The following CLOCK variants were observed in gnomAD, a reference collection of about 807,000 sequenced individuals.
The protein encoded by CLOCK is clock circadian regulator.
A neutral mutation model predicts 118.4 loss-of-function variants in CLOCK; 43 were observed. The observed-to-expected ratio is 0.36, with a 90% CI of 0.28 to 0.47. CLOCK has a LOEUF of 0.47. Ranked by LOEUF, CLOCK falls within the 20% of genes least tolerant of loss-of-function variation. The pLI is 1.00. For missense variants in CLOCK, 846 were observed against 999.9 expected, an observed-to-expected ratio of 0.85 and a Z score of 2.08; for synonymous variants, 326 against 339.2, an observed-to-expected ratio of 0.96 and a Z score of 0.43.
intron 2 of CLOCK, among the ~76,000 whole-genome samples, chr4:55,509,556 TTATCTC>T (rs1482301237): frequency 3.3e-5 from 5 of 152,196 alleles, no homozygotes; most frequent in African/African-American, 7.2e-5. Context: ...AGCTGACACT[TTATCTC>T]TATAGCTAAG....
intron 1 of CLOCK, among the ~76,000 whole-genome samples, chr4:55,534,230 CT>C (rs966176043): frequency 1.3e-5 from 2 of 152,180 alleles, no homozygotes; most frequent in African/African-American, 4.8e-5. Context: ...CTACTCTCAA[CT>C]ATCACCAAGC....
chr4:55,478,004 G>A (rs73236144), intron 6 of CLOCK, among the ~76,000 whole-genome samples: 9 of 152,096 alleles, frequency 5.9e-5, no homozygotes, highest in Non-Finnish European at 1.2e-4. Flanking sequence ...CACTTTCAAC[G>A]AGTGGTGGAG....
chr4:55,509,909 T>C lies in CLOCK; in HGVS notation c.-136+3A>G, dbSNP rs1423611149. ...TAAGGGAAAAGAAACAAAGATAGCA[T>C]ACCTTTGAGCTCAAAATGATGATTG... On this transcript the variant is annotated splice_donor_region_variant and intron_variant, in intron 2 of 22. Coordinates refer to ENST00000513440, the MANE Select transcript of CLOCK (RefSeq NM_004898.4). 4 of 152,166 alleles carry C rather than the reference T, an allele frequency of 2.6e-5. No homozygotes were observed. Among genetic ancestry groups the C allele is most frequent in the Non-Finnish European group, 4.4e-5 (3 of 68,038 alleles). 9.4% of individuals were successfully genotyped at this position (152,166 alleles called of 1,614,324 possible). A position where few individuals can be genotyped will look rare whatever the true frequency, so the allele number is the denominator to read the frequency against.
chr4:55,493,635 C>A (rs536972494), intron 2 of CLOCK, among the ~76,000 whole-genome samples: 1 of 151,972 alleles, frequency 6.6e-6, no homozygotes, highest in African/African-American at 2.4e-5. Context: ...GTTTAATGTA[C>A]GAGGAAAAAA....
chr4:55,522,983 T>C (rs563704733), intron 1 of CLOCK, among the ~76,000 whole-genome samples: 3 of 152,272 alleles, frequency 2.0e-5, no homozygotes, highest in African/African-American at 4.8e-5. Context: ...TAACATATAA[T>C]GTGTATTGTT....
chr4:55,511,633 C>A (rs1013515545), intron 1 of CLOCK, among the ~76,000 whole-genome samples: 5 of 152,060 alleles, frequency 3.3e-5, no homozygotes, highest in African/African-American at 1.2e-4. Flanking sequence ...TCCTTATCAC[C>A]CAAAATTTTA....
At chr4:55,529,752 T>A (rs1385678713) in intron 1 of CLOCK, among the ~76,000 whole-genome samples, 1 of 152,228 alleles carries the variant, frequency 6.6e-6, no homozygotes, top group Non-Finnish European at 1.5e-5. Flanking sequence ...TTGCCCATTG[T>A]CATGGTTTTG....
chr4:55,465,904 A>G (rs1176282076), intron 8 of CLOCK, among the ~76,000 whole-genome samples: 2 of 152,176 alleles, frequency 1.3e-5, no homozygotes, highest in Non-Finnish European at 2.9e-5. Context: ...GTGAGCTGAT[A>G]TCCTACCACT....
chr4:55,464,203 T>C (rs1725571531), intron 8 of CLOCK, among the ~76,000 whole-genome samples: 1 of 152,134 alleles, frequency 6.6e-6, no homozygotes, highest in Non-Finnish European at 1.5e-5. Context: ...AAAGAGGAGA[T>C]TTTGTTTTGG....
At chr4:55,541,338 C>T (rs1323500231) in intron 1 of CLOCK, among the ~76,000 whole-genome samples, 1 of 152,168 alleles carries the variant, frequency 6.6e-6, no homozygotes, top group African/African-American at 2.4e-5. Context: ...CATACAACTC[C>T]ATCTAGAATT....
intron 2 of CLOCK, among the ~76,000 whole-genome samples, chr4:55,499,868 A>G (rs62303732): frequency 0.25 from 37,463 of 152,064 alleles, 4,947 homozygotes; most frequent in South Asian, 0.37. Flanking sequence ...TCATACATGC[A>G]ATTAGGGAAT....
chr4:55,459,178 A>G lies in CLOCK; in HGVS notation c.643T>C (p.Phe215Leu), dbSNP rs1319101512. ...KEPSTYEYVK[F>L]IGNFKSLNSV... The stretch of plus-strand genomic sequence containing the variant: ...TTTAAAGATTTGAAATTTCCTATAA[A>G]TTTTACATATTCATAGGTAGATGGC... Residue 215 changes from phenylalanine (F) to leucine (L), a missense_variant, in exon 10 of 23, where the codon TTT becomes CTT. Around this residue, in one of 4 missense-constraint regions of CLOCK, gnomAD observed 246 missense variants for 300.2 expected, o/e 0.82. Transcript: ENST00000513440. The G allele has an allele frequency of 6.2e-7, 1 of 1,606,796 alleles. No individual in the cohort carries two copies. Among genetic ancestry groups the G allele is most frequent in the Admixed American group, 1.7e-5 (1 of 59,964 alleles).
intron 1 of CLOCK, among the ~76,000 whole-genome samples, chr4:55,542,643 A>C (rs1004228338): frequency 2.0e-5 from 3 of 151,968 alleles, no homozygotes; most frequent in African/African-American, 7.2e-5. Context: ...AGTGCATATT[A>C]GTTGTTTGTT....
intron 15 of CLOCK, among the ~76,000 whole-genome samples, chr4:55,450,994 G>C (rs367832220): frequency 5.3e-5 from 8 of 151,222 alleles, no homozygotes; most frequent in African/African-American, 1.9e-4. Flanking sequence ...TTCTCCATCA[G>C]CTCATTCTCA....
intron 1 of CLOCK, among the ~76,000 whole-genome samples, chr4:55,527,004 AG>A (rs1730246995): frequency 6.6e-6 from 1 of 151,658 alleles, no homozygotes; most frequent in South Asian, 2.1e-4. Context: ...AAAAAAAAAA[AG>A]GTTAGAAACA....
intron 15 of CLOCK, among the ~76,000 whole-genome samples, chr4:55,451,393 AC>A (rs548698957): frequency 5.9e-5 from 9 of 152,012 alleles, no homozygotes; most frequent in African/African-American, 2.2e-4. Context: ...ACTAGCTATT[AC>A]CCCCCTGTTG....
chr4:55,452,788 T>C, intron 15 of CLOCK: 1 of 270,776 alleles, frequency 3.7e-6, no homozygotes, highest in Non-Finnish European at 7.0e-6. Context: ...TCATAATTCA[T>C]ATAAATAACC....
intron 2 of CLOCK, among the ~76,000 whole-genome samples, chr4:55,497,415 C>G (rs1381477119): frequency 6.6e-6 from 1 of 152,146 alleles, no homozygotes; most frequent in African/African-American, 2.4e-5. Flanking sequence ...TGTACCCTAA[C>G]ATAGTGGCAG....
chr4:55,534,672 A>G (rs1730767538), intron 1 of CLOCK, among the ~76,000 whole-genome samples: 1 of 152,174 alleles, frequency 6.6e-6, no homozygotes, highest in South Asian at 2.1e-4. Flanking sequence ...GTTCCCCAGC[A>G]GACAGAATAG....
Sources: allele counts gnomAD v4.1 joint callset (sites outside exome capture counted in the v4.1 genomes callset), GRCh38; gene constraint gnomAD v4.1.1; regional missense constraint gnomAD v4.1.1; transcripts MANE v1.5; gene names NCBI Gene and HGNC (gene_info 2026-07-23, HGNC 2026-07-21).